Variants in SYNE2 observed in about 807,000 individuals in gnomAD.
SYNE2 encodes the protein spectrin repeat containing nuclear envelope protein 2.
SYNE2 carries 431 observed loss-of-function variants against 856.3 expected under a neutral mutation model. The ratio of observed to expected loss-of-function variants is 0.50; its 90% CI spans 0.47 to 0.55. The LOEUF (loss-of-function observed/expected upper bound fraction) is 0.55. SYNE2 is among the 20% of genes least tolerant of loss of function. The probability of loss-of-function intolerance (pLI) is 0.00; values close to 1 mark genes in which losing one functional copy is unlikely to be tolerated. For missense variants in SYNE2, 8,129 were observed against 8,023.2 expected, an observed-to-expected ratio of 1.01 and a Z score of -0.50; for synonymous variants, 2,923 against 2,872.3, an observed-to-expected ratio of 1.02 and a Z score of -0.56.
chr14:64,194,098 C>T (rs1272757244), intron 99 of SYNE2, among the ~76,000 whole-genome samples: 1 of 152,176 alleles, frequency 6.6e-6, no homozygotes, highest in Non-Finnish European at 1.5e-5. Flanking sequence ...GACATCTACA[C>T]TCTTATGAAA....
At chr14:64,145,971 G>T in intron 83 of SYNE2, 97 bp from the exon 84 acceptor site, 1 of 862,978 alleles carries the variant, frequency 1.2e-6, no homozygotes, top group Non-Finnish European at 1.7e-6. Context: ...TTAGAAATTT[G>T]AAAAGAAGCA....
chr14:63,893,228 G>C (rs2095175349), intron 1 of SYNE2, among the ~76,000 whole-genome samples: 1 of 152,116 alleles, frequency 6.6e-6, no homozygotes, highest in Non-Finnish European at 1.5e-5. Flanking sequence ...AAATTTAATA[G>C]AAGGGCTTCC....
At chr14:64,217,765 T>A (rs1023902257) in intron 108 of SYNE2, among the ~76,000 whole-genome samples, 1 of 152,174 alleles carries the variant, frequency 6.6e-6, no homozygotes, top group Admixed American at 6.5e-5. Context: ...ATTTTCATTC[T>A]GCACAAATAG....
rs558988932 is a variant in SYNE2, at chr14:64,076,273, G to A, written c.11022+173G>A. 8.5e-4 allele frequency among the ~76,000 whole-genome samples: 129 copies of A among 152,216 alleles called. 3 individuals are homozygous for A. Among genetic ancestry groups the A allele is most frequent in the Non-Finnish European group, 2.8e-4 (19 of 67,980 alleles). ...TAAGATAAAGATGCTCTAAATATGT[G>A]ACATAAGATAACAGAATTAGATGAT... On this transcript the variant is annotated intron_variant, in intron 54 of 115. Coordinates refer to ENST00000555002, the MANE Select transcript of SYNE2 (RefSeq NM_182914.3).
At chr14:64,022,082 A>G (rs1055012176) in intron 37 of SYNE2, 54 bp downstream of exon 37, 27 of 1,541,692 alleles carry the variant, frequency 1.8e-5, no homozygotes, top group Non-Finnish European at 2.3e-5. Flanking sequence ...GTATGAATGT[A>G]GTACTGTGAA....
At chr14:63,992,997 C>T (rs2096681191) in intron 21 of SYNE2, among the ~76,000 whole-genome samples, 1 of 152,198 alleles carries the variant, frequency 6.6e-6, no homozygotes, top group Non-Finnish European at 1.5e-5. Flanking sequence ...CAGGCCCCGA[C>T]CTGTTTTTTT....
chr14:64,156,053 A>G (rs891325500), intron 85 of SYNE2, among the ~76,000 whole-genome samples: 1 of 152,224 alleles, frequency 6.6e-6, no homozygotes, highest in African/African-American at 2.4e-5. Context: ...ACTGATGCCT[A>G]TACAATGCTC....
chr14:63,998,105 T>G, intron 25 of SYNE2, 114 bp from the exon 26 acceptor site: 1 of 810,350 alleles, frequency 1.2e-6, no homozygotes, highest in South Asian at 1.4e-5. Context: ...TTGTATTATC[T>G]CCTGGTTTGA....
chr14:64,027,941 T>C, intron 43 of SYNE2, 148 bp downstream of exon 43: 1 of 708,292 alleles, frequency 1.4e-6, no homozygotes, highest in Non-Finnish European at 2.3e-6. Context: ...AGGGTCTCAC[T>C]CTTTGCCCAG....
At chr14:64,216,148 A>G in intron 107 of SYNE2, 100 bp from the exon 108 acceptor site, 1 of 1,594,496 alleles carries the variant, frequency 6.3e-7, no homozygotes, top group South Asian at 1.1e-5. Flanking sequence ...TTTGCAAGGA[A>G]AGCTGCAGAA....
At chr14:63,902,487 C>T (rs1259588163) in intron 1 of SYNE2, among the ~76,000 whole-genome samples, 1 of 147,344 alleles carries the variant, frequency 6.8e-6, no homozygotes, top group African/African-American at 2.5e-5. Context: ...ATTGTGGTAA[C>T]TTTTATTTGA....
In SYNE2 at chr14:64,051,650, C is replaced by G; in HGVS notation, c.7737C>G (p.Ile2579Met). The G allele has an allele frequency of 6.2e-7, 1 of 1,614,042 alleles. No homozygotes were observed. The highest frequency in any genetic ancestry group is 8.5e-7 in the Non-Finnish European group (1 of 1,179,966). Reference protein sequence around the residue: ...KEKDSLGNLKIKWENLSNHVT... With the variant: ...KEKDSLGNLKMKWENLSNHVT... Reference sequence around the variant, plus strand: ...AAGATTCTTTAGGCAACTTGAAAATCAAATGGGAGAATTTATCAAACCACG... The same window carrying G: ...AAGATTCTTTAGGCAACTTGAAAATGAAATGGGAGAATTTATCAAACCACG... The change falls in exon 48 of 116, where the codon ATC becomes ATG. Residue 2579 changes from isoleucine to methionine, a missense_variant. Ile to Met is a conservative substitution (Grantham distance 10). Transcript: ENST00000555002.
chr14:63,940,593 CTGT>C lies in SYNE2; in HGVS notation c.80-16_80-14del. The C allele has an allele frequency of 6.2e-7, 1 of 1,613,316 alleles. No individual in the cohort carries two copies. Among genetic ancestry groups the C allele is most frequent in the Non-Finnish European group, 8.5e-7 (1 of 1,179,268 alleles). On this transcript the variant is annotated intron_variant, in intron 2 of 115. Transcript: ENST00000555002. The stretch of plus-strand genomic sequence containing the variant: ...TCTGAGGCTTCTGGTTTTATAACTG[CTGT>C]TGTTCTTTCTTTGATAGCTGAACAG...
chr14:63,964,788 T>C (rs2096368037), intron 10 of SYNE2, among the ~76,000 whole-genome samples: 1 of 152,084 alleles, frequency 6.6e-6, no homozygotes, highest in Non-Finnish European at 1.5e-5. Flanking sequence ...CCTCCCAAAG[T>C]GCTGGGATTA....
At chr14:64,218,619 C>T in intron 109 of SYNE2, 107 bp downstream of exon 109, 1 of 1,075,904 alleles carries the variant, frequency 9.3e-7, no homozygotes, top group Admixed American at 2.0e-5. Context: ...TTCGCCAGAA[C>T]TGGGGGACTT....
intron 7 of SYNE2, among the ~76,000 whole-genome samples, chr14:63,950,382 C>T (rs139678062): frequency 2.6e-5 from 4 of 152,056 alleles, no homozygotes; most frequent in Admixed American, 2.0e-4. Context: ...GGTGAAACCC[C>T]GTCTCTATGA....
chr14:64,065,695 A>T lies in SYNE2; in HGVS notation c.10431+45A>T, dbSNP rs750960831. The stretch of plus-strand genomic sequence containing the variant: ...CAAACCATGTAGTTTCTAACATGTT[A>T]TTTAAATTGTTTTATTACTTTCACC... On this transcript the variant is annotated intron_variant, in intron 51 of 115. Coordinates refer to ENST00000555002, the MANE Select transcript of SYNE2 (RefSeq NM_182914.3). The T allele has an allele frequency of 1.4e-5, 23 of 1,600,486 alleles. No homozygotes were observed. The East Asian group carries it at 5.1e-4, about 36-fold the overall frequency.
chr14:63,774,431 T>G (rs918334412), intron 1 of SYNE2, among the ~76,000 whole-genome samples: 16 of 143,266 alleles, frequency 1.1e-4, no homozygotes, highest in South Asian at 8.7e-4. Context: ...ATCGAGCCAT[T>G]GCACTCCAGC....
intron 1 of SYNE2, among the ~76,000 whole-genome samples, chr14:63,789,844 A>G (rs1887670712): frequency 6.6e-6 from 1 of 152,140 alleles, no homozygotes; most frequent in South Asian, 2.1e-4. Context: ...TTGGGAATAT[A>G]AAAAGTGAGT....
Sources: gnomAD v4.1 joint callset for allele counts (sites outside exome capture counted in the v4.1 genomes callset) on GRCh38, gnomAD v4.1.1 for gene constraint, MANE v1.5 for transcripts, NCBI Gene and HGNC (gene_info 2026-07-23, HGNC 2026-07-21) for gene names.